The following HECTD4 variants were observed in gnomAD, a reference collection of about 807,000 sequenced individuals.
The protein encoded by HECTD4 is probable E3 ubiquitin-protein ligase HECTD4.
Under a neutral mutation model 471.5 loss-of-function variants are expected in HECTD4, and 114 were observed. That is an observed-to-expected ratio of 0.24 (90% CI 0.21 to 0.28). The LOEUF (loss-of-function observed/expected upper bound fraction) is 0.28. HECTD4 is among the 10% of genes least tolerant of loss of function. HECTD4 has a pLI of 1.00. For missense variants in HECTD4, 3,866 were observed against 5,651.5 expected (o/e 0.68, Z 10.13); for synonymous variants, 2,012 against 2,256.0 (o/e 0.89, Z 3.07).
intron 50 of HECTD4, 114 bp from the exon 51 acceptor site, chr12:112,208,744 T>C: frequency 2.5e-6 from 2 of 815,220 alleles, no homozygotes; most frequent in Middle Eastern, 2.5e-4. Context: ...GGAAGACTCC[T>C]AGTACACTGA....
chr12:112,326,649 T>G (rs1178684235), intron 1 of HECTD4, among the ~76,000 whole-genome samples: 1 of 152,040 alleles, frequency 6.6e-6, no homozygotes, highest in Non-Finnish European at 1.5e-5. Context: ...TTCAAGTAAG[T>G]GTAGGAGTGA....
intron 71 of HECTD4, 46 bp downstream of exon 71, chr12:112,167,768 G>T: frequency 6.6e-7 from 1 of 1,521,774 alleles, no homozygotes; most frequent in Non-Finnish European, 9.1e-7. Flanking sequence ...CCACTGCGCA[G>T]GACATGAGCT....
intron 29 of HECTD4, among the ~76,000 whole-genome samples, chr12:112,245,361 T>A (rs545249407): frequency 6.6e-6 from 1 of 152,302 alleles, no homozygotes; most frequent in African/African-American, 2.4e-5. Flanking sequence ...ATAAAAAAAT[T>A]ATAATTTTTG....
chr12:112,319,390 C>T lies in HECTD4; in HGVS notation c.530G>A (p.Arg177His), dbSNP rs915407032. 20 of 1,535,988 alleles carry T rather than the reference C, an allele frequency of 1.3e-5. No homozygotes were observed. Among genetic ancestry groups the T allele is most frequent in the African/African-American group, 8.2e-5 (6 of 73,030 alleles). Reference sequence around the variant, plus strand: ...GGTCAAGCTCAAAGGCTGGCAGTCACGAAGGCAGTTCAATAGCACCTCAGC... The same window carrying T: ...GGTCAAGCTCAAAGGCTGGCAGTCATGAAGGCAGTTCAATAGCACCTCAGC... ...ITAEVLLNCL[R>H]DCQPLSLTKE... Residue 177 changes from arginine to histidine, a missense_variant, in exon 2 of 76, where the codon CGT becomes CAT. By Grantham distance (29) the Arg-to-His change is conservative. Around this residue, in one of 16 missense-constraint regions of HECTD4, gnomAD observed 440 missense variants for 636.0 expected, o/e 0.69. Transcript: ENST00000682272. This position sits in a 1 kb window ranked among gnomAD's most constrained non-coding sequence, Gnocchi z 5.3.
At chr12:112,232,410 G>A (rs903083910) in intron 38 of HECTD4, among the ~76,000 whole-genome samples, 1 of 152,180 alleles carries the variant, frequency 6.6e-6, no homozygotes, top group Non-Finnish European at 1.5e-5. Context: ...GATTACAGGC[G>A]TGAGCCACAG....
chr12:112,274,777 G>A (rs2034491084), intron 10 of HECTD4, 70 bp downstream of exon 10: 2 of 918,300 alleles, frequency 2.2e-6, no homozygotes, highest in Admixed American at 2.1e-5. Context: ...CAGGGAACTG[G>A]CAAGACAGTT....
At position 112,239,023 on chromosome 12, in the gene HECTD4, G is replaced by A. The variant is rs775282000; in HGVS notation, c.5290+29C>T. 1.9e-6 allele frequency: 3 copies of A among 1,564,534 alleles called. No individual in the cohort carries two copies. The highest frequency in any genetic ancestry group is 2.6e-6 in the Non-Finnish European group (3 of 1,157,950). ...TAACACACCAATAGAAGAAATCAGT[G>A]AGCTCTAGAAAGGAGTCTGGCATCT... On this transcript the variant is annotated intron_variant, in intron 34 of 75. Transcript: ENST00000682272. This position sits in a 1 kb window ranked among gnomAD's most constrained non-coding sequence, Gnocchi z 4.9.
chr12:112,200,157 T>C (rs1212572825), intron 55 of HECTD4, among the ~76,000 whole-genome samples: 10 of 121,822 alleles, frequency 8.2e-5, no homozygotes, highest in African/African-American at 3.6e-4. Context: ...GATCCCCCAT[T>C]TTTTTTTTTT....
chr12:112,222,797 G>A (rs2033136332), intron 44 of HECTD4, among the ~76,000 whole-genome samples: 1 of 152,188 alleles, frequency 6.6e-6, no homozygotes, highest in South Asian at 2.1e-4. Flanking sequence ...TCGCAACACT[G>A]CACTCCAGCC....
intron 1 of HECTD4, among the ~76,000 whole-genome samples, chr12:112,329,945 C>T (rs1221942085): frequency 6.6e-6 from 1 of 151,964 alleles, no homozygotes; most frequent in Non-Finnish European, 1.5e-5. Context: ...GACCCCATCT[C>T]TACTTTTTTT....
In HECTD4 at chr12:112,228,001, G is replaced by A. The variant is rs2033284772; in HGVS notation, c.6854+88C>T. 2 of 1,208,564 alleles carry A rather than the reference G, an allele frequency of 1.7e-6. No homozygotes were observed. The highest frequency in any genetic ancestry group is 2.3e-6 in the Non-Finnish European group (2 of 876,902). The allele number at this position is 1,208,564 out of a possible 1,614,324, so 74.9% of individuals were successfully genotyped here. A position where few individuals can be genotyped will look rare whatever the true frequency, so the allele number is the denominator to read the frequency against. On this transcript the variant is annotated intron_variant, in intron 43 of 75. Transcript: ENST00000682272. This position sits in a 1 kb window ranked among gnomAD's most constrained non-coding sequence, Gnocchi z 4.9. The stretch of plus-strand genomic sequence containing the variant: ...GAGCTTCAAGCTGTGGATTCACTAA[G>A]TTGGGAGTGGAGGGGCCCACCAAGG...
chr12:112,163,440 GAGAC>G lies in HECTD4; in HGVS notation c.12897+98_12897+101del. 2 of 1,135,844 alleles carry G rather than the reference GAGAC, an allele frequency of 1.8e-6. No individual in the cohort carries two copies. Among genetic ancestry groups the G allele is most frequent in the Admixed American group, 5.7e-5 (2 of 35,102 alleles). The allele number at this position is 1,135,844 out of a possible 1,614,324, so 70.4% of individuals were successfully genotyped here. On this transcript the variant is annotated intron_variant, in intron 74 of 75. Coordinates refer to ENST00000682272, the MANE Select transcript of HECTD4 (RefSeq NM_001388303.1). This position sits in a 1 kb window ranked among gnomAD's most constrained non-coding sequence, Gnocchi z 8.2. ...ACAGGTCTGTGGCAAGGACAGAGCT[GAGAC>G]AGGCCACTGCCGATGCCTGCTGCTG...
chr12:112,358,948 G>A (rs1346844691), intron 1 of HECTD4, among the ~76,000 whole-genome samples: 1 of 152,104 alleles, frequency 6.6e-6, no homozygotes, highest in Non-Finnish European at 1.5e-5. Context: ...GGCCGAGGCA[G>A]GTAGATCACG....
At chr12:112,225,286 T>C (rs1182074267) in intron 44 of HECTD4, among the ~76,000 whole-genome samples, 1 of 69,780 alleles carries the variant, frequency 1.4e-5, no homozygotes, top group East Asian at 3.7e-4. Context: ...ACTGACAAAA[T>C]AAACGGCATG....
chr12:112,200,896 T>C (rs891428606), intron 54 of HECTD4, 98 bp from the exon 55 acceptor site: 6 of 972,280 alleles, frequency 6.2e-6, no homozygotes, highest in Middle Eastern at 2.7e-4. Context: ...TGTGTGTGTG[T>C]GTGTGTGTGT....
chr12:112,309,710 T>C (rs1232474814), intron 4 of HECTD4, 41 bp from the exon 5 acceptor site: 1 of 938,236 alleles, frequency 1.1e-6, no homozygotes, highest in Admixed American at 2.5e-5. Flanking sequence ...TATATGTTTT[T>C]TCTATTGAAA....
In HECTD4 at chr12:112,175,946, T is replaced by A. The variant is rs1272999002; in HGVS notation, c.11471-87A>T. 2.0e-6 allele frequency: 3 copies of A among 1,516,478 alleles called. No homozygotes were observed. The African/African-American group carries it at 4.1e-5, about 21-fold the overall frequency. 93.9% of individuals were successfully genotyped at this position (1,516,478 alleles called of 1,614,324 possible). On this transcript the variant is annotated intron_variant, in intron 65 of 75. Coordinates refer to ENST00000682272, the MANE Select transcript of HECTD4 (RefSeq NM_001388303.1). Reference sequence around the variant, plus strand: ...CGTGCTCTGCTCTCACCACAGCCTCTCCCCTACGGCCCAACCCATCTAATT... The same window carrying A: ...CGTGCTCTGCTCTCACCACAGCCTCACCCCTACGGCCCAACCCATCTAATT...
Position 112,248,140 on chromosome 12 carries a change from C to G in HECTD4, c.4175G>C (p.Ser1392Thr). The change falls in exon 27 of 76, where the codon AGT (serine) becomes ACT (threonine). Residue 1392 changes from serine (S) to threonine (T), a missense_variant. Around this residue, in one of 16 missense-constraint regions of HECTD4, gnomAD observed 281 missense variants for 499.9 expected, o/e 0.56. Transcript: ENST00000682272. ...SVAELEQKWQ[S>T]EVDDAMQGKL... ...CCCCTGCATGGCATCATCAACTTCA[C>G]TTTGCCATTTTTGTTCCAGTTCTGC... 1.2e-6 allele frequency: 2 copies of G among 1,613,522 alleles called. No individual in the cohort carries two copies. The highest frequency in any genetic ancestry group is 1.7e-6 in the Non-Finnish European group (2 of 1,179,716).
chr12:112,342,598 C>T (rs1313273290), intron 1 of HECTD4, among the ~76,000 whole-genome samples: 1 of 152,156 alleles, frequency 6.6e-6, no homozygotes, highest in Non-Finnish European at 1.5e-5. Flanking sequence ...GATCTTAATG[C>T]TGCTTTTACT....
Sources: allele counts gnomAD v4.1 joint callset (sites outside exome capture counted in the v4.1 genomes callset), GRCh38; gene constraint gnomAD v4.1.1; regional missense constraint gnomAD v4.1.1; non-coding constraint Gnocchi (gnomAD v3.1); transcripts MANE v1.5; gene names NCBI Gene and HGNC (gene_info 2026-07-23, HGNC 2026-07-21).